WBP4: variants seen among roughly 807,000 people sequenced by gnomAD.
The protein encoded by WBP4 is WW domain-binding protein 4.
WBP4 carries 37 observed loss-of-function variants against 55.4 expected under a neutral mutation model. That is an observed-to-expected ratio of 0.67 (90% CI 0.51 to 0.88). The LOEUF (loss-of-function observed/expected upper bound fraction) is 0.88. WBP4 is among the 40% of genes least tolerant of loss of function. The pLI is 0.00. For synonymous variants in WBP4, 142 were observed against 140.2 expected, an observed-to-expected ratio of 1.01 and a Z score of -0.09; for missense variants, 398 against 420.8, an observed-to-expected ratio of 0.95 and a Z score of 0.47.
At chr13:41,081,413 A>T (rs1188725715) in intron 9 of WBP4, among the ~76,000 whole-genome samples, 1 of 149,008 alleles carries the variant, frequency 6.7e-6, no homozygotes, top group African/African-American at 2.5e-5. Flanking sequence ...TGGGAGGATT[A>T]CTTGAGCCCA....
At position 41,066,648 on chromosome 13, in the gene WBP4, A is replaced by G. The variant is rs548733536; in HGVS notation, c.262+1361A>G. ...TAAATTGCTTATTACGTGACCACAC[A>G]TAACAAATGGTGAATAAATGGTAGC... On this transcript the variant is annotated intron_variant, in intron 4 of 9. Transcript: ENST00000379487. Among the ~76,000 whole-genome samples the G allele has an allele frequency of 1.8e-4, 28 of 152,348 alleles. 2 individuals carry two copies. The South Asian group carries it at 3.5e-3, about 19-fold the overall frequency.
intron 7 of WBP4, among the ~76,000 whole-genome samples, chr13:41,074,360 C>T (rs999134975): frequency 6.6e-6 from 1 of 152,070 alleles, no homozygotes; most frequent in Non-Finnish European, 1.5e-5. Context: ...TTATCATTAG[C>T]TCATTGCATA....
chr13:41,073,158 T>C (rs749280538), intron 7 of WBP4, among the ~76,000 whole-genome samples: 5 of 152,212 alleles, frequency 3.3e-5, no homozygotes, highest in Admixed American at 2.0e-4. Context: ...TTTAGAAATA[T>C]AGTCATTACC....
Position 41,080,794 on chromosome 13 carries a change from A to G in WBP4, c.905A>G (p.Gln302Arg), listed in dbSNP as rs1878739155. ...TATGGAGAATGGCAAGAAATTAAAC[A>G]AGAGGTTGAGTCTCAGTAAGTACCT... The part of the protein sequence containing the change: ...NPYGEWQEIK[Q>R]EVESHEEVDL... The change falls in exon 9 of 10, where the codon CAA becomes CGA. Residue 302 changes from glutamine (Q) to arginine (R), a missense_variant. By Grantham distance (43) the Gln-to-Arg change is conservative. Transcript: ENST00000379487. 3.1e-6 allele frequency: 5 copies of G among 1,606,902 alleles called. No homozygotes were observed. Among genetic ancestry groups the G allele is most frequent in the Non-Finnish European group, 4.2e-6 (5 of 1,178,554 alleles).
chr13:41,062,268 T>G (rs1047695393), intron 1 of WBP4: 10 of 985,110 alleles, frequency 1.0e-5, no homozygotes, highest in Non-Finnish European at 1.2e-5. Context: ...TGGGAATAAC[T>G]TGATTTAAGG....
intron 7 of WBP4, among the ~76,000 whole-genome samples, chr13:41,074,919 G>A (rs948964261): frequency 7.2e-5 from 11 of 152,026 alleles, no homozygotes; most frequent in African/African-American, 1.9e-4. Flanking sequence ...CGCTTGAACC[G>A]GGGAGGTGGA....
chr13:41,070,935 G>A (rs193001902), intron 5 of WBP4, among the ~76,000 whole-genome samples: 36 of 152,300 alleles, frequency 2.4e-4, no homozygotes, highest in Admixed American at 4.6e-4. Flanking sequence ...TAATCCGTTA[G>A]AGTTTGCACT....
intron 8 of WBP4, among the ~76,000 whole-genome samples, chr13:41,078,668 A>G (rs1438211901): frequency 1.3e-5 from 2 of 152,174 alleles, no homozygotes; most frequent in African/African-American, 4.8e-5. Flanking sequence ...TCTCTACTAA[A>G]AATAGAAAAT....
intron 6 of WBP4, 65 bp from the exon 7 acceptor site, chr13:41,072,717 C>T: frequency 4.8e-6 from 7 of 1,464,772 alleles, no homozygotes; most frequent in Non-Finnish European, 6.6e-6. Context: ...GGCTGACTGT[C>T]TGAGTTATTC....
intron 4 of WBP4, among the ~76,000 whole-genome samples, chr13:41,066,660 G>A (rs2138463262): frequency 6.6e-6 from 1 of 152,198 alleles, no homozygotes; most frequent in East Asian, 1.9e-4. Context: ...AACAAATGGT[G>A]AATAAATGGT....
chr13:41,065,426 C>G, intron 4 of WBP4, 139 bp downstream of exon 4: 1 of 1,215,476 alleles, frequency 8.2e-7, no homozygotes, highest in Non-Finnish European at 1.1e-6. Flanking sequence ...GCATCATAGC[C>G]CTGTTTAGAC....
intron 8 of WBP4, among the ~76,000 whole-genome samples, chr13:41,079,506 C>T (rs999385317): frequency 4.0e-5 from 6 of 148,444 alleles, no homozygotes; most frequent in African/African-American, 1.5e-4. Context: ...CATGCCACTG[C>T]CCTCCAGCCT....
intron 2 of WBP4, among the ~76,000 whole-genome samples, 190 bp from the exon 3 acceptor site, chr13:41,064,826 A>C (rs751332124): frequency 1.3e-5 from 2 of 152,152 alleles, no homozygotes; most frequent in Non-Finnish European, 2.9e-5. Context: ...CAGAGGACAT[A>C]ATAATAAACA....
At position 41,068,745 on chromosome 13, in the gene WBP4, A is replaced by G. The variant is rs780173498; in HGVS notation, c.439+8A>G. The G allele has an allele frequency of 1.9e-6, 3 of 1,560,638 alleles. No homozygotes were observed. In the South Asian group the frequency reaches 3.7e-5, roughly 19 times the overall value. On this transcript the variant is annotated splice_region_variant and intron_variant, in intron 5 of 9. Coordinates refer to ENST00000379487, the MANE Select transcript of WBP4 (RefSeq NM_007187.5). The stretch of plus-strand genomic sequence containing the variant: ...ATGATCTTATCTCAGGAGGTAAGTC[A>G]TTTAGGCATAAAACTGGTAAAGAAC...
At position 41,061,654 on chromosome 13, in the gene WBP4, G is replaced by T. The variant is rs1307432472; in HGVS notation, c.-20G>T. 3.7e-6 allele frequency: 6 copies of T among 1,614,066 alleles called. No homozygotes were observed. Reference sequence around the variant, plus strand: ...GTCTGAGTGGAACCCTGGACGACTTGCAGAGCGGCTGGCGCAGTCATGTGA... The same window carrying T: ...GTCTGAGTGGAACCCTGGACGACTTTCAGAGCGGCTGGCGCAGTCATGTGA... On this transcript the variant is annotated 5_prime_UTR_variant, in exon 1 of 10. Coordinates refer to ENST00000379487, the MANE Select transcript of WBP4 (RefSeq NM_007187.5).
chr13:41,062,146 A>G, intron 1 of WBP4: 8 of 799,006 alleles, frequency 1.0e-5, no homozygotes, highest in Non-Finnish European at 1.2e-5. Flanking sequence ...ACGAAGTCCC[A>G]TGGCTTTTCC....
chr13:41,074,398 C>T (rs564137927), intron 7 of WBP4, among the ~76,000 whole-genome samples: 2 of 151,984 alleles, frequency 1.3e-5, no homozygotes, highest in South Asian at 2.1e-4. Context: ...AAGAAAAGGC[C>T]CTTTTAACCT....
chr13:41,075,551 T>C (rs901010875), intron 7 of WBP4, among the ~76,000 whole-genome samples: 3 of 152,122 alleles, frequency 2.0e-5, no homozygotes, highest in Non-Finnish European at 2.9e-5. Flanking sequence ...CTGCTAACTT[T>C]TTAATTGTTT....
At chr13:41,062,610 A>G (rs759335013) in intron 1 of WBP4, 34 bp from the exon 2 acceptor site, 1 of 1,591,812 alleles carries the variant, frequency 6.3e-7, no homozygotes, top group South Asian at 1.1e-5. Flanking sequence ...TTTAAGTTTT[A>G]CATGAGCTTA....
Sources: allele counts gnomAD v4.1 joint callset (sites outside exome capture counted in the v4.1 genomes callset), GRCh38; gene constraint gnomAD v4.1.1; transcripts MANE v1.5; gene names NCBI Gene and HGNC (gene_info 2026-07-23, HGNC 2026-07-21).